The following CREBRF variants were observed in gnomAD, a reference collection of about 807,000 sequenced individuals.
CREBRF encodes CREB3 regulatory factor, also known as UPF0474 protein C5orf41.
In CREBRF, 5 loss-of-function variants were observed where a neutral mutation model predicts 66.1. The ratio of observed to expected loss-of-function variants is 0.08; its 90% CI spans 0.04 to 0.16. The LOEUF is 0.16. Ranked by LOEUF, CREBRF falls within the 10% of genes least tolerant of loss-of-function variation. The pLI, the probability that CREBRF is intolerant of heterozygous loss-of-function variation, is 1.00. For missense variants in CREBRF, 531 were observed against 744.9 expected, an observed-to-expected ratio of 0.71 and a Z score of 3.34; for synonymous variants, 229 against 264.4, an observed-to-expected ratio of 0.87 and a Z score of 1.30.
intron 8 of CREBRF, among the ~76,000 whole-genome samples, chr5:173,130,049 T>A (rs1759380325): frequency 2.0e-5 from 3 of 152,086 alleles, no homozygotes; most frequent in Admixed American, 1.3e-4. Flanking sequence ...GGCCTCAAAC[T>A]CCTGACCTTG....
At chr5:173,113,153 T>C (rs375703476) in intron 7 of CREBRF, among the ~76,000 whole-genome samples, 7 of 152,262 alleles carry the variant, frequency 4.6e-5, no homozygotes, top group African/African-American at 1.2e-4. Context: ...CTACCACGCC[T>C]GGCTGATTTT....
At chr5:173,062,043 G>A (rs1322710526) in intron 1 of CREBRF, among the ~76,000 whole-genome samples, 13 of 152,212 alleles carry the variant, frequency 8.5e-5, no homozygotes, top group Non-Finnish European at 8.8e-5. Flanking sequence ...CTGCCTGGAT[G>A]ACTACAGATA....
rs1260400811 is a variant in CREBRF at position 173,090,750 on chromosome 5, C to G, written c.571C>G (p.Leu191Val). ...AAAPVCSSKT[L>V]QAEVPLSDCV... Reference sequence around the variant, plus strand: ...TGCTCCTGTGTGTTCTTCTAAGACTCTGCAGGCTGAGGTCCCTTTGTCAGA... The same window carrying G: ...TGCTCCTGTGTGTTCTTCTAAGACTGTGCAGGCTGAGGTCCCTTTGTCAGA... Residue 191 changes from leucine to valine, a missense_variant, in exon 4 of 9, where the codon CTG becomes GTG. Transcript: ENST00000296953. This position sits in a 1 kb window ranked among gnomAD's most constrained non-coding sequence, Gnocchi z 4.5. The G allele has an allele frequency of 1.2e-6, 2 of 1,614,188 alleles. No homozygotes were observed. The highest frequency in any genetic ancestry group is 1.7e-6 in the Non-Finnish European group (2 of 1,180,032).
At chr5:173,100,078 T>TTGTGTGTGTGTGTG (rs749558283) in intron 4 of CREBRF, among the ~76,000 whole-genome samples, 41 of 69,126 alleles carry the variant, frequency 5.9e-4, no homozygotes, top group South Asian at 1.5e-3. Context: ...GGCTAATCTT[T>TTGTGTGTGTGTGTG]TGTGTGTGTG....
At chr5:173,065,826 AG>A (rs1262688600) in intron 1 of CREBRF, among the ~76,000 whole-genome samples, 15 of 151,464 alleles carry the variant, frequency 9.9e-5, no homozygotes, top group Admixed American at 6.6e-5. Flanking sequence ...TTGTAGAGAC[AG>A]GGTTTCCCCA....
intron 4 of CREBRF, among the ~76,000 whole-genome samples, chr5:173,103,410 C>T (rs1758674199): frequency 1.3e-5 from 2 of 152,180 alleles, no homozygotes; most frequent in Admixed American, 1.3e-4. Context: ...AAGAGCTAAA[C>T]AAGTGACTTT....
At chr5:173,112,990 T>C (rs927677446) in intron 7 of CREBRF, among the ~76,000 whole-genome samples, 12 of 152,334 alleles carry the variant, frequency 7.9e-5, no homozygotes, top group Admixed American at 2.0e-4. Context: ...ACTTCTCAGA[T>C]CATTCTCTTT....
chr5:173,115,723 C>T (rs1417180720), intron 7 of CREBRF, among the ~76,000 whole-genome samples: 4 of 152,058 alleles, frequency 2.6e-5, no homozygotes, highest in Non-Finnish European at 5.9e-5. Context: ...CTGCAAGCTC[C>T]GCCTCCCAGT....
intron 8 of CREBRF, among the ~76,000 whole-genome samples, chr5:173,126,955 G>A (rs1759288943): frequency 6.6e-6 from 1 of 152,112 alleles, no homozygotes; most frequent in Non-Finnish European, 1.5e-5. Context: ...GGGAGGCTGA[G>A]GTGGGAGGAT....
rs555743718 is a variant in CREBRF at position 173,074,788 on chromosome 5, A to G, written c.-191-5797A>G. Among the ~76,000 whole-genome samples, 3 of 151,990 alleles carry G rather than the reference A, an allele frequency of 2.0e-5. No individual in the cohort carries two copies. The East Asian group carries it at 5.8e-4, about 30-fold the overall frequency. On this transcript the variant is annotated intron_variant, in intron 1 of 8. Coordinates refer to ENST00000296953, the MANE Select transcript of CREBRF (RefSeq NM_153607.3). ...CAAGTGTGCACCACCACGCCTGGCT[A>G]ATTTTTGTATTTTTAGTAGAGGGGG...
At chr5:173,064,577 T>C (rs1032406035) in intron 1 of CREBRF, among the ~76,000 whole-genome samples, 2 of 146,568 alleles carry the variant, frequency 1.4e-5, no homozygotes, top group African/African-American at 5.0e-5. Context: ...TTTTTTTTTT[T>C]TTTTTTGAGA....
At position 173,092,272 on chromosome 5, in the gene CREBRF, A is replaced by G. The variant is rs974475300; in HGVS notation, c.1222+871A>G. 3.1e-6 allele frequency: 3 copies of G among 980,406 alleles called. No homozygotes were observed. The African/African-American group carries it at 5.3e-5, about 17-fold the overall frequency. 60.7% of individuals were successfully genotyped at this position (980,406 alleles called of 1,614,324 possible). A position where few individuals can be genotyped will look rare whatever the true frequency, so the allele number is the denominator to read the frequency against. On this transcript the variant is annotated intron_variant, in intron 4 of 8. Coordinates refer to ENST00000296953, the MANE Select transcript of CREBRF (RefSeq NM_153607.3). ...TTTTCTTTGTGTCTGCTAACATTTT[A>G]ATTTACATCGTATTTTCCTATTTAA...
chr5:173,108,895 G>C (rs753297387), intron 5 of CREBRF, 77 bp downstream of exon 5: 171 of 1,347,170 alleles, frequency 1.3e-4, no homozygotes, highest in Non-Finnish European at 1.7e-4. Flanking sequence ...TTTACTCCGT[G>C]TACCTAGGCA....
At chr5:173,057,069 C>T (rs1281781437) in intron 1 of CREBRF, among the ~76,000 whole-genome samples, 1 of 152,064 alleles carries the variant, frequency 6.6e-6, no homozygotes. Context: ...CTGTCCCCGC[C>T]TCAGAGGCGA....
Position 173,091,309 on chromosome 5 carries a change from A to G in CREBRF, c.1130A>G (p.His377Arg). 1 of 1,613,464 alleles carries G rather than the reference A, an allele frequency of 6.2e-7. No homozygotes were observed. The highest frequency in any genetic ancestry group is 8.5e-7 in the Non-Finnish European group (1 of 1,179,596). Residue 377 changes from histidine to arginine, a missense_variant, in exon 4 of 9, where the codon CAT (histidine) becomes CGT (arginine). Physicochemically the swap from His to Arg is conservative, Grantham distance 29. Around this residue, in one of 5 missense-constraint regions of CREBRF, gnomAD observed 309 missense variants for 341.4 expected, o/e 0.90. Coordinates refer to ENST00000296953, the MANE Select transcript of CREBRF (RefSeq NM_153607.3). Reference sequence around the variant, plus strand: ...CATGATGAAGGATTCGGCAGTGAGCATGAACTGTCTGAAAATGAGGAGGAG... The same window carrying G: ...CATGATGAAGGATTCGGCAGTGAGCGTGAACTGTCTGAAAATGAGGAGGAG... ...EDHDEGFGSEHELSENEEEEE... is the reference protein window; with the variant it reads ...EDHDEGFGSERELSENEEEEE...
At chr5:173,104,012 A>C (rs1019095055) in intron 4 of CREBRF, among the ~76,000 whole-genome samples, 1 of 152,206 alleles carries the variant, frequency 6.6e-6, no homozygotes, top group Admixed American at 6.5e-5. Flanking sequence ...CAACATCATG[A>C]ATTTGTTTTA....
chr5:173,066,211 G>A (rs1757433282), intron 1 of CREBRF, among the ~76,000 whole-genome samples: 1 of 152,172 alleles, frequency 6.6e-6, no homozygotes, highest in Admixed American at 6.5e-5. Context: ...GGGAAATCTT[G>A]TAAGATCAAC....
intron 8 of CREBRF, among the ~76,000 whole-genome samples, chr5:173,130,114 C>T (rs533264176): frequency 1.4e-4 from 21 of 152,288 alleles, no homozygotes; most frequent in Admixed American, 6.5e-4. Context: ...TGAGCCACCA[C>T]GCTCGGCCTA....
At chr5:173,116,790 T>A (rs1246854606) in intron 7 of CREBRF, among the ~76,000 whole-genome samples, 9 of 152,224 alleles carry the variant, frequency 5.9e-5, no homozygotes, top group African/African-American at 2.2e-4. Context: ...TTTACTTCTA[T>A]AAGAAACTGC....
Sources: allele counts gnomAD v4.1 joint callset (sites outside exome capture counted in the v4.1 genomes callset), GRCh38; gene constraint gnomAD v4.1.1; regional missense constraint gnomAD v4.1.1; non-coding constraint Gnocchi (gnomAD v3.1); transcripts MANE v1.5; gene names NCBI Gene and HGNC (gene_info 2026-07-23, HGNC 2026-07-21).